Variants in FAM53A observed in about 807,000 individuals in gnomAD.
FAM53A encodes family with sequence similarity 53 member A, also known as protein FAM53A.
Under a neutral mutation model 26.6 loss-of-function variants are expected in FAM53A, and 28 were observed. That is an observed-to-expected ratio of 1.05 (90% CI 0.78 to 1.45). The LOEUF (loss-of-function observed/expected upper bound fraction) is 1.45, where lower values mean the gene tolerates loss of function less well. Among genes scored for constraint, FAM53A ranks in the 40% most tolerant of loss-of-function variants. The pLI, the probability that FAM53A is intolerant of heterozygous loss-of-function variation, is 0.00. For missense variants in FAM53A, 650 were observed against 575.8 expected (o/e 1.13, Z -1.32); for synonymous variants, 290 against 253.1 (o/e 1.15, Z -1.38).
chr4:1,627,559 C>A (rs1715363012), intron 1 of FAM53A, among the ~76,000 whole-genome samples: 1 of 152,198 alleles, frequency 6.6e-6, no homozygotes, highest in Non-Finnish European at 1.5e-5. Flanking sequence ...CCCCTCCCCA[C>A]AGCATGGTGG....
At chr4:1,639,669 G>A (rs570040762), downstream of FAM53A, among the ~76,000 whole-genome samples, 51 of 152,290 alleles carry the variant, frequency 3.3e-4, no homozygotes, top group East Asian at 4.8e-3. Context: ...CGTCTTGCAG[G>A]GCAGAGGCAG....
At chr4:1,636,023 A>G (rs1024306676), downstream of FAM53A, among the ~76,000 whole-genome samples, 1 of 150,628 alleles carries the variant, frequency 6.6e-6, no homozygotes, top group Non-Finnish European at 1.5e-5. Flanking sequence ...TTCTTTTTGT[A>G]TTTTTAGTAG....
At chr4:1,685,349 G>A (rs1461608994), upstream of FAM53A, among the ~76,000 whole-genome samples, 2 of 152,070 alleles carry the variant, frequency 1.3e-5, no homozygotes, top group Non-Finnish European at 2.9e-5. Flanking sequence ...TGGTGGGGGT[G>A]GGGAGAAGGG....
At chr4:1,648,779 A>C (rs1037307786) in intron 4 of FAM53A, among the ~76,000 whole-genome samples, 3 of 152,180 alleles carry the variant, frequency 2.0e-5, no homozygotes, top group Non-Finnish European at 4.4e-5. Flanking sequence ...GGTGTGCAGC[A>C]CCCACATCAC....
chr4:1,632,573 G>A (rs1244045307), intron 1 of FAM53A, among the ~76,000 whole-genome samples: 3 of 152,324 alleles, frequency 2.0e-5, no homozygotes, highest in East Asian at 3.9e-4. Context: ...ACACCCATTC[G>A]TGACGTTTTA....
chr4:1,671,164 G>A (rs113195891), intron 1 of FAM53A, among the ~76,000 whole-genome samples: 2 of 145,272 alleles, frequency 1.4e-5, no homozygotes, highest in Non-Finnish European at 1.5e-5. Context: ...CTGTCCCAGC[G>A]TCAGAGCCAC....
chr4:1,575,326 C>T, the FAM53A span, among the ~76,000 whole-genome samples: 2 of 152,218 alleles, frequency 1.3e-5, no homozygotes, highest in African/African-American at 4.8e-5. Flanking sequence ...TTACCCCATC[C>T]CACCCTGTGC....
Position 1,674,510 on chromosome 4 carries a change from A to G in FAM53A, c.-164-5605T>C, listed in dbSNP as rs550708032. Among the ~76,000 whole-genome samples, 7 of 152,248 alleles carry G rather than the reference A, an allele frequency of 4.6e-5. No individual in the cohort carries two copies. In the South Asian group the frequency reaches 1.5e-3, roughly 32 times the overall value. ...CGGTGAAATCCTGTCTCTACTAAAA[A>G]TATAAAAAATTAGCTGGGTGTGGTG... On this transcript the variant is annotated intron_variant, in intron 1 of 4. Transcript: ENST00000308132.
chr4:1,633,766 C>T (rs78210468), intron 1 of FAM53A, among the ~76,000 whole-genome samples: 1 of 152,096 alleles, frequency 6.6e-6, no homozygotes, highest in Non-Finnish European at 1.5e-5. Context: ...TTGAAAGTGA[C>T]AGCTAATGCA....
downstream of FAM53A, among the ~76,000 whole-genome samples, chr4:1,637,856 G>A (rs1715916318): frequency 6.6e-6 from 1 of 152,206 alleles, no homozygotes; most frequent in Non-Finnish European, 1.5e-5. Flanking sequence ...GCTGAGGTGG[G>A]TGCCCAAAGC....
chr4:1,594,256 C>G, the FAM53A span, among the ~76,000 whole-genome samples: 1 of 152,356 alleles, frequency 6.6e-6, no homozygotes, highest in African/African-American at 2.4e-5. Flanking sequence ...ATTCACAGGT[C>G]ACCAGGTCAG....
intron 4 of FAM53A, among the ~76,000 whole-genome samples, chr4:1,649,159 G>C (rs911374479): frequency 7.8e-6 from 1 of 128,626 alleles, no homozygotes; most frequent in Non-Finnish European, 1.7e-5. Context: ...GAAGGGGAAA[G>C]GGAAGGGGAA....
At chr4:1,639,029 C>A (rs28393996), downstream of FAM53A, among the ~76,000 whole-genome samples, 2,051 of 152,316 alleles carry the variant, frequency 0.013, 44 homozygotes, top group African/African-American at 0.047. Flanking sequence ...GGCCCCTCTG[C>A]AGCCACAGCG....
At chr4:1,647,759 G>C (rs1285941940) in intron 4 of FAM53A, among the ~76,000 whole-genome samples, 1 of 152,232 alleles carries the variant, frequency 6.6e-6, no homozygotes, top group African/African-American at 2.4e-5. Context: ...ACCTGAGTGT[G>C]CACATAAGCG....
the FAM53A span, among the ~76,000 whole-genome samples, chr4:1,593,269 G>A: frequency 6.6e-6 from 1 of 151,884 alleles, no homozygotes; most frequent in African/African-American, 2.4e-5. Flanking sequence ...AGGCACCCAC[G>A]TCCCCGCGCG....
chr4:1,630,093 G>A lies in FAM53A; in HGVS notation c.432-11982C>T, dbSNP rs530815987. ...TGAGACCCCGCTGGACACCTCACCC[G>A]GCTGCCTGCCTGCCAGGTGTGGTGA... is the stretch of plus-strand genomic sequence containing the variant. On this transcript the variant is annotated intron_variant, in intron 1 of 1. Transcript: ENST00000489029. The surrounding 1 kb of genome is among the most constrained non-coding windows in gnomAD (Gnocchi z 4.3). Among the ~76,000 whole-genome samples the A allele has an allele frequency of 2.6e-5, 4 of 152,268 alleles. No individual in the cohort carries two copies. Among genetic ancestry groups the A allele is most frequent in the East Asian group, 3.9e-4 (2 of 5,170 alleles).
chr4:1,645,828 AAACATTCCATGTTCTTG>A (rs1712190529), intron 4 of FAM53A, among the ~76,000 whole-genome samples: 1 of 152,244 alleles, frequency 6.6e-6, no homozygotes, highest in Non-Finnish European at 1.5e-5. Flanking sequence ...GCGCCGTCTC[AAACATTCCATGTTCTTG>A]ATGGTCCCTG....
At chr4:1,650,945 G>A (rs982883555) in intron 4 of FAM53A, among the ~76,000 whole-genome samples, 1 of 151,746 alleles carries the variant, frequency 6.6e-6, no homozygotes, top group African/African-American at 2.4e-5. Flanking sequence ...CTGGCTAGAT[G>A]CAGTGGCTCA....
Position 1,659,164 on chromosome 4 carries a change from G to A in FAM53A, c.76-1696C>T, listed in dbSNP as rs1037654860. Among the ~76,000 whole-genome samples, 6 of 152,172 alleles carry A rather than the reference G, an allele frequency of 3.9e-5. No individual in the cohort carries two copies. The highest frequency in any genetic ancestry group is 2.1e-4 in the South Asian group (1 of 4,830). On this transcript the variant is annotated intron_variant, in intron 2 of 4. Coordinates refer to ENST00000308132, the MANE Select transcript of FAM53A (RefSeq NM_001174070.3). The surrounding 1 kb of genome is among the most constrained non-coding windows in gnomAD (Gnocchi z 5.2). ...CGGCGGTGTGGAGCTGTGAGCACCC[G>A]GCCACACCATGAGGACAGGGCCTGG...
Sources: allele counts gnomAD v4.1 joint callset (sites outside exome capture counted in the v4.1 genomes callset), GRCh38; gene constraint gnomAD v4.1.1; non-coding constraint Gnocchi (gnomAD v3.1); transcripts MANE v1.5; gene names NCBI Gene and HGNC (gene_info 2026-07-23, HGNC 2026-07-21).